Variants in OPCML observed in about 807,000 individuals in gnomAD.
OPCML encodes opioid-binding protein/cell adhesion molecule.
OPCML carries 13 observed loss-of-function variants against 37.8 expected under a neutral mutation model. The ratio of observed to expected loss-of-function variants is 0.34; its 90% CI spans 0.22 to 0.55. OPCML has a LOEUF of 0.55. Among genes scored for constraint, OPCML ranks in the 20% least tolerant of loss-of-function variants. OPCML has a pLI of 0.91. For synonymous variants in OPCML, 176 were observed against 168.8 expected (o/e 1.04, Z -0.33); for missense variants, 341 against 435.6 (o/e 0.78, Z 1.93).
chr11:133,210,745 C>G lies in OPCML; in HGVS notation c.62-267735G>C, dbSNP rs546964079. Among the ~76,000 whole-genome samples the G allele has an allele frequency of 5.3e-5, 8 of 152,174 alleles. No individual in the cohort carries two copies. The South Asian group carries it at 1.7e-3, about 32-fold the overall frequency. On this transcript the variant is annotated intron_variant, in intron 1 of 7. Coordinates refer to ENST00000524381, the MANE Select transcript of OPCML (RefSeq NM_001012393.5). Reference sequence around the variant, plus strand: ...AAGCTCTTTTCTAGGGGAAATGAACCTGGACCCTAACTCAGAAAGACCAGG... The same window carrying G: ...AAGCTCTTTTCTAGGGGAAATGAACGTGGACCCTAACTCAGAAAGACCAGG...
intron 1 of OPCML, among the ~76,000 whole-genome samples, chr11:133,328,093 A>T (rs942720744): frequency 1.3e-4 from 20 of 152,110 alleles, no homozygotes; most frequent in Non-Finnish European, 2.9e-5. Context: ...CCTTGGGCAA[A>T]TTACTTCTAT....
chr11:133,290,257 T>C (rs1336969714), intron 1 of OPCML, among the ~76,000 whole-genome samples: 1 of 152,076 alleles, frequency 6.6e-6, no homozygotes. Flanking sequence ...GGGCAGCCAA[T>C]GAGGGATGGT....
intron 1 of OPCML, chr11:133,009,211 C>T (rs1050248714): frequency 2.0e-6 from 2 of 985,106 alleles, no homozygotes; most frequent in African/African-American, 3.5e-5. Context: ...AGATATAGTC[C>T]CTGATCTCAG....
intron 1 of OPCML, among the ~76,000 whole-genome samples, chr11:133,508,186 A>G (rs918857560): frequency 6.6e-6 from 1 of 152,038 alleles, no homozygotes; most frequent in African/African-American, 2.4e-5. Flanking sequence ...TTGCTCTGGG[A>G]GGTAGCAGAG....
intron 4 of OPCML, among the ~76,000 whole-genome samples, chr11:132,489,074 TACA>T (rs2096208314): frequency 6.6e-6 from 1 of 152,230 alleles, no homozygotes; most frequent in African/African-American, 2.4e-5. Context: ...TATACAGCTG[TACA>T]AAAACATTTT....
intron 1 of OPCML, among the ~76,000 whole-genome samples, chr11:133,137,912 C>A (rs1287029818): frequency 6.6e-6 from 1 of 152,094 alleles, no homozygotes; most frequent in Non-Finnish European, 1.5e-5. Context: ...TTACATGCAC[C>A]AAGAAGCTAA....
intron 1 of OPCML, among the ~76,000 whole-genome samples, chr11:132,945,555 C>T (rs928298346): frequency 3.8e-4 from 58 of 152,260 alleles, no homozygotes; most frequent in Admixed American, 3.1e-3. Flanking sequence ...TGCACACCAC[C>T]GTAGTCTTCA....
At chr11:133,007,736 C>T in intron 1 of OPCML, 7 of 985,388 alleles carry the variant, frequency 7.1e-6, no homozygotes, top group Non-Finnish European at 8.4e-6. Context: ...CAGACCCAGG[C>T]CCACACAGAG....
At chr11:132,691,975 A>G (rs1943421545) in intron 2 of OPCML, among the ~76,000 whole-genome samples, 1 of 152,166 alleles carries the variant, frequency 6.6e-6, no homozygotes, top group Non-Finnish European at 1.5e-5. Flanking sequence ...GTTGCAACCT[A>G]GTGTTTGTAG....
intron 1 of OPCML, among the ~76,000 whole-genome samples, chr11:133,325,668 T>A (rs1195933663): frequency 2.0e-5 from 3 of 152,220 alleles, no homozygotes; most frequent in African/African-American, 7.2e-5. Context: ...GAACCCATTA[T>A]CAGGAAATCT....
At chr11:133,091,595 A>C (rs1215416963) in intron 1 of OPCML, among the ~76,000 whole-genome samples, 1 of 152,204 alleles carries the variant, frequency 6.6e-6, no homozygotes. Context: ...TGAAGATTTA[A>C]TGTCGTTTGC....
At chr11:133,455,458 C>T (rs541859152) in intron 1 of OPCML, among the ~76,000 whole-genome samples, 1 of 152,168 alleles carries the variant, frequency 6.6e-6, no homozygotes, top group East Asian at 1.9e-4. Flanking sequence ...CAAACCCTAC[C>T]AAAGATTTTA....
At chr11:132,835,752 A>C (rs1940966576) in intron 2 of OPCML, among the ~76,000 whole-genome samples, 1 of 152,152 alleles carries the variant, frequency 6.6e-6, no homozygotes, top group Admixed American at 6.5e-5. Flanking sequence ...CATTATGTCA[A>C]AGTCCAAGTG....
intron 2 of OPCML, among the ~76,000 whole-genome samples, chr11:132,752,690 T>C (rs564931562): frequency 1.3e-5 from 2 of 152,126 alleles, no homozygotes; most frequent in South Asian, 4.2e-4. Context: ...TTAGTTTCAC[T>C]ATAAGTTTGG....
At chr11:133,050,211 T>A (rs1345387280) in intron 1 of OPCML, among the ~76,000 whole-genome samples, 1 of 152,180 alleles carries the variant, frequency 6.6e-6, no homozygotes, top group Non-Finnish European at 1.5e-5. Flanking sequence ...GGTCTTCCTC[T>A]CCTGACTGTC....
chr11:133,023,885 C>T (rs762090228), intron 1 of OPCML, among the ~76,000 whole-genome samples: 4 of 152,140 alleles, frequency 2.6e-5, no homozygotes, highest in Admixed American at 6.5e-5. Context: ...TTGGGGAAAT[C>T]GAGTTTCATT....
At chr11:133,136,653 G>T (rs943287043) in intron 1 of OPCML, among the ~76,000 whole-genome samples, 1 of 152,106 alleles carries the variant, frequency 6.6e-6, no homozygotes, top group Non-Finnish European at 1.5e-5. Flanking sequence ...GGGAAAAGGA[G>T]AAAGGGTGGG....
At chr11:133,322,220 T>C (rs1943347054) in intron 1 of OPCML, among the ~76,000 whole-genome samples, 1 of 152,206 alleles carries the variant, frequency 6.6e-6, no homozygotes, top group Admixed American at 6.5e-5. Flanking sequence ...ATATTAAAAT[T>C]GGTTTCATTC....
chr11:132,613,093 A>G (rs1014658714), intron 3 of OPCML, among the ~76,000 whole-genome samples: 4 of 152,202 alleles, frequency 2.6e-5, no homozygotes, highest in African/African-American at 9.6e-5. Flanking sequence ...TAATCTCTTC[A>G]TCTTGCAGAG....
Sources: gnomAD v4.1 joint callset for allele counts (sites outside exome capture counted in the v4.1 genomes callset) on GRCh38, gnomAD v4.1.1 for gene constraint, MANE v1.5 for transcripts, NCBI Gene and HGNC (gene_info 2026-07-23, HGNC 2026-07-21) for gene names.